ANKS1B: variants seen among roughly 807,000 people sequenced by gnomAD.
ANKS1B encodes the protein ankyrin repeat and sterile alpha motif domain containing 1B, also known as ankyrin repeat and sterile alpha motif domain-containing protein 1B.
ANKS1B carries 36 observed loss-of-function variants against 148.3 expected under a neutral mutation model. The observed-to-expected ratio is 0.24, with a 90% CI of 0.19 to 0.32. ANKS1B has a LOEUF of 0.32. ANKS1B is among the 10% of genes least tolerant of loss of function. The pLI is 1.00. For missense variants in ANKS1B, 1,157 were observed against 1,542.6 expected (o/e 0.75, Z 4.19); for synonymous variants, 542 against 560.8 (o/e 0.97, Z 0.47).
chr12:99,601,916 G>A, intron 9 of ANKS1B, among the ~76,000 whole-genome samples: 1 of 151,956 alleles, frequency 6.6e-6, no homozygotes, highest in East Asian at 1.9e-4. Flanking sequence ...AATGAGTCTT[G>A]TGACCTACTA....
At chr12:99,098,619 C>CTTTTTTTTTTTTTTTTTTTTTT (rs71081896) in intron 15 of ANKS1B, among the ~76,000 whole-genome samples, 2 of 32,120 alleles carry the variant, frequency 6.2e-5, no homozygotes, top group African/African-American at 1.1e-4. Context: ...CTAGGAACTA[C>CTTTTTTTTTTTTTTTTTTTTTT]TTTTTTTTTT....
chr12:99,240,154 G>A (rs1226279759), intron 14 of ANKS1B, among the ~76,000 whole-genome samples: 1 of 152,162 alleles, frequency 6.6e-6, no homozygotes, highest in Non-Finnish European at 1.5e-5. Flanking sequence ...TCAGTGTGCT[G>A]TATTCAGGAG....
At chr12:98,851,560 G>T (rs2099526316) in intron 17 of ANKS1B, among the ~76,000 whole-genome samples, 1 of 152,068 alleles carries the variant, frequency 6.6e-6, no homozygotes, top group Non-Finnish European at 1.5e-5. Context: ...CAGGACTGGG[G>T]GATATGAAGG....
intron 17 of ANKS1B, among the ~76,000 whole-genome samples, chr12:98,960,278 G>GCA (rs201772045): frequency 0.015 from 2,248 of 151,914 alleles, 55 homozygotes; most frequent in South Asian, 0.047. Flanking sequence ...AGGCAGCTCA[G>GCA]CACAGAGAGA....
At chr12:99,648,229 G>A in intron 9 of ANKS1B, 3 of 1,614,126 alleles carry the variant, frequency 1.9e-6, no homozygotes, top group Non-Finnish European at 2.5e-6. Context: ...CCCCGCAATG[G>A]GCATGTTTAA....
At chr12:99,730,578 A>G (rs1199933323) in intron 8 of ANKS1B, among the ~76,000 whole-genome samples, 1 of 152,202 alleles carries the variant, frequency 6.6e-6, no homozygotes, top group Non-Finnish European at 1.5e-5. Flanking sequence ...GGAGCTGTGC[A>G]GAAGAGAACT....
At chr12:99,847,751 C>G (rs190184282) in intron 1 of ANKS1B, among the ~76,000 whole-genome samples, 93 of 152,222 alleles carry the variant, frequency 6.1e-4, no homozygotes, top group Non-Finnish European at 1.1e-3. Flanking sequence ...TCTTGTTAAC[C>G]TATCTTTAGT....
chr12:99,595,244 C>A (rs2097746126), intron 9 of ANKS1B, among the ~76,000 whole-genome samples: 1 of 151,592 alleles, frequency 6.6e-6, no homozygotes, highest in South Asian at 2.1e-4. Flanking sequence ...TTAAGAGGTC[C>A]CTAAACCTAT....
intron 24 of ANKS1B, among the ~76,000 whole-genome samples, chr12:98,774,025 T>A (rs1478949707): frequency 6.6e-6 from 1 of 152,196 alleles, no homozygotes; most frequent in African/African-American, 2.4e-5. Flanking sequence ...AGGTGCTTTC[T>A]CCGTGGAAAC....
At chr12:99,746,176 A>G (rs934315482) in intron 8 of ANKS1B, among the ~76,000 whole-genome samples, 3 of 152,150 alleles carry the variant, frequency 2.0e-5, no homozygotes, top group African/African-American at 7.2e-5. Flanking sequence ...CAAATGAATG[A>G]ATTTTATTTC....
At chr12:98,793,625 C>T (rs2098914927) in intron 22 of ANKS1B, among the ~76,000 whole-genome samples, 1 of 152,178 alleles carries the variant, frequency 6.6e-6, no homozygotes, top group South Asian at 2.1e-4. Flanking sequence ...GGGACCCAAA[C>T]ATTGCAATAG....
Position 99,316,817 on chromosome 12 carries a change from T to A in ANKS1B, c.1757-69953A>T, listed in dbSNP as rs1401300410. Among the ~76,000 whole-genome samples, 3 of 152,208 alleles carry A rather than the reference T, an allele frequency of 2.0e-5. No homozygotes were observed. The South Asian group carries it at 6.2e-4, about 31-fold the overall frequency. On this transcript the variant is annotated intron_variant, in intron 12 of 26. Transcript: ENST00000683438. ...TATGGTTTTAGGTCTAACATTTAAG[T>A]CTTTAATCTATCTTGAATTAATTTT...
chr12:99,565,096 A>G (rs1455945048), intron 9 of ANKS1B, among the ~76,000 whole-genome samples: 1 of 152,224 alleles, frequency 6.6e-6, no homozygotes, highest in Non-Finnish European at 1.5e-5. Context: ...AAGAATTACA[A>G]AAATTAATCC....
At chr12:99,333,915 G>A (rs977387248) in intron 12 of ANKS1B, among the ~76,000 whole-genome samples, 6 of 143,062 alleles carry the variant, frequency 4.2e-5, no homozygotes, top group Non-Finnish European at 7.5e-5. Flanking sequence ...CATGTTGATC[G>A]CATTTCATAT....
chr12:98,739,119 G>A (rs2097786439), downstream of ANKS1B, among the ~76,000 whole-genome samples: 1 of 152,188 alleles, frequency 6.6e-6, no homozygotes, highest in Non-Finnish European at 1.5e-5. Context: ...CAGCCAAGTG[G>A]TGGAGCTGGG....
intron 12 of ANKS1B, among the ~76,000 whole-genome samples, chr12:99,323,766 T>A (rs2152200249): frequency 6.6e-6 from 1 of 152,286 alleles, no homozygotes; most frequent in African/African-American, 2.4e-5. Context: ...AGCTATTGAC[T>A]GTGTCCCTAC....
intron 17 of ANKS1B, among the ~76,000 whole-genome samples, chr12:99,038,590 C>T (rs1163949545): frequency 1.3e-5 from 2 of 152,194 alleles, no homozygotes; most frequent in Non-Finnish European, 2.9e-5. Flanking sequence ...TGCTCATGCT[C>T]ACATTTAGAT....
At position 98,771,530 on chromosome 12, in the gene ANKS1B, G is replaced by GCT. The variant is rs1304320042; in HGVS notation, c.3579+1511_3579+1512insAG. Among the ~76,000 whole-genome samples, 9 of 152,226 alleles carry GCT rather than the reference G, an allele frequency of 5.9e-5. No individual in the cohort carries two copies. The East Asian group carries it at 1.7e-3, about 29-fold the overall frequency. On this transcript the variant is annotated intron_variant, in intron 25 of 26. Coordinates refer to ENST00000683438, the MANE Select transcript of ANKS1B (RefSeq NM_001352186.2). ...ACTCTGTCACCTGGGCTAGATGGCAGTGGTGTGATCACAGCTTACTGCAGC... is the reference window on the plus strand; with the variant it reads ...ACTCTGTCACCTGGGCTAGATGGCAGCTTGGTGTGATCACAGCTTACTGCAGC...
chr12:99,688,880 T>TAAA (rs36016130), intron 8 of ANKS1B, among the ~76,000 whole-genome samples: 1 of 143,284 alleles, frequency 7.0e-6, no homozygotes, highest in African/African-American at 2.6e-5. Context: ...GTGCTAAATT[T>TAAA]AAAAAAAAAA....
Sources: allele counts gnomAD v4.1 joint callset (sites outside exome capture counted in the v4.1 genomes callset), GRCh38; gene constraint gnomAD v4.1.1; transcripts MANE v1.5; gene names NCBI Gene and HGNC (gene_info 2026-07-23, HGNC 2026-07-21).